Variants in GPC6 observed in about 807,000 individuals in gnomAD.
The protein encoded by GPC6 is glypican-6.
GPC6 carries 14 observed loss-of-function variants against 55.2 expected under a neutral mutation model. The observed-to-expected ratio is 0.25, with a 90% CI of 0.17 to 0.40. The LOEUF (loss-of-function observed/expected upper bound fraction) is 0.40. Among genes scored for constraint, GPC6 ranks in the 10% least tolerant of loss-of-function variants. The pLI is 1.00. For missense variants in GPC6, 641 were observed against 708.5 expected (o/e 0.90, Z 1.08); for synonymous variants, 278 against 259.6 (o/e 1.07, Z -0.68).
intron 3 of GPC6, among the ~76,000 whole-genome samples, chr13:93,967,077 G>T (rs1456595484): frequency 1.3e-5 from 2 of 152,132 alleles, no homozygotes; most frequent in African/African-American, 4.8e-5. Flanking sequence ...TTGAGGGAAG[G>T]TCTCCAAATA....
At chr13:93,408,060 T>A (rs1048888979) in intron 1 of GPC6, among the ~76,000 whole-genome samples, 5 of 152,070 alleles carry the variant, frequency 3.3e-5, no homozygotes, top group Non-Finnish European at 7.4e-5. Context: ...CTACCAGTTT[T>A]AAAAAAATCT....
At chr13:93,468,910 TG>T (rs1217715242) in intron 1 of GPC6, among the ~76,000 whole-genome samples, 1 of 152,140 alleles carries the variant, frequency 6.6e-6, no homozygotes, top group African/African-American at 2.4e-5. Context: ...AATTAGACTG[TG>T]GGTTTTTTGT....
chr13:93,231,327 A>ATG (rs1208626648), intron 1 of GPC6, among the ~76,000 whole-genome samples: 1 of 52,124 alleles, frequency 1.9e-5, no homozygotes, highest in African/African-American at 8.9e-5. Flanking sequence ...ATATATATAT[A>ATG]TACGTATATA....
intron 1 of GPC6, among the ~76,000 whole-genome samples, chr13:93,531,253 A>G (rs1162640880): frequency 6.6e-6 from 1 of 150,622 alleles, no homozygotes; most frequent in African/African-American, 2.4e-5. Context: ...TATATTTTAC[A>G]TATATATTTA....
rs766270705 is a variant in GPC6, at chr13:93,830,443, G to A, written c.609G>A (p.Val203=). 5 of 1,613,654 alleles carry A rather than the reference G, an allele frequency of 3.1e-6. No individual in the cohort carries two copies. The highest frequency in any genetic ancestry group is 1.3e-5 in the African/African-American group (1 of 74,832). The change falls in exon 3 of 9, where the codon GTG becomes GTA. Residue 203 remains valine, a synonymous_variant. Transcript: ENST00000377047. ...ACCAGCTCAAGCCATTTGGAGACGTGCCCCGGAAACTGAAGATTCAGGTTA... is the reference window on the plus strand; with the variant it reads ...ACCAGCTCAAGCCATTTGGAGACGTACCCCGGAAACTGAAGATTCAGGTTA... ...YTDQLKPFGD[V]PRKLKIQVTR... is the part of the protein sequence containing the mutation.
At chr13:94,072,823 G>A (rs1229630821) in intron 4 of GPC6, among the ~76,000 whole-genome samples, 2 of 152,218 alleles carry the variant, frequency 1.3e-5, no homozygotes, top group East Asian at 3.9e-4. Context: ...GTACTTTGGG[G>A]TCCATAGGAT....
At chr13:93,749,983 T>G (rs978943637) in intron 2 of GPC6, among the ~76,000 whole-genome samples, 5 of 152,158 alleles carry the variant, frequency 3.3e-5, no homozygotes, top group Non-Finnish European at 7.4e-5. Flanking sequence ...AGGGCTCTTT[T>G]GGATGTTTTG....
intron 1 of GPC6, among the ~76,000 whole-genome samples, chr13:93,466,533 T>C (rs1047584109): frequency 1.3e-5 from 2 of 152,228 alleles, no homozygotes; most frequent in African/African-American, 2.4e-5. Flanking sequence ...TCATCTGTAT[T>C]GTTTAGGTTA....
intron 4 of GPC6, among the ~76,000 whole-genome samples, chr13:94,031,123 T>C (rs1354778274): frequency 6.6e-6 from 1 of 151,944 alleles, no homozygotes; most frequent in African/African-American, 2.4e-5. Flanking sequence ...TGTGTGTGTG[T>C]GTGTGTTCTT....
At chr13:94,303,765 CAAAA>C (rs11300129) in intron 5 of GPC6, among the ~76,000 whole-genome samples, 12 of 98,284 alleles carry the variant, frequency 1.2e-4, no homozygotes, top group Non-Finnish European at 2.4e-4. Context: ...TAACTCCCTC[CAAAA>C]AAAAAAAAAA....
intron 2 of GPC6, among the ~76,000 whole-genome samples, chr13:93,817,477 C>T (rs1886893567): frequency 6.6e-6 from 1 of 151,974 alleles, no homozygotes; most frequent in Non-Finnish European, 1.5e-5. Flanking sequence ...GTGTTATTTT[C>T]TACTGAAGCA....
intron 3 of GPC6, among the ~76,000 whole-genome samples, chr13:93,988,894 T>C (rs1035826182): frequency 3.9e-5 from 6 of 151,996 alleles, no homozygotes; most frequent in Admixed American, 1.3e-4. Context: ...TAAAAATAAA[T>C]TGATAGAGAT....
chr13:93,921,724 G>A (rs138275956), intron 3 of GPC6, among the ~76,000 whole-genome samples: 57 of 151,622 alleles, frequency 3.8e-4, no homozygotes, highest in African/African-American at 1.4e-3. Flanking sequence ...GGGGCATGGT[G>A]GGCCAAAAGG....
Position 94,225,668 on chromosome 13 carries a change from C to CATATATATATATATATATATATATAT in GPC6, c.878-60680_878-60679insTATATATATATATATATATATATATA, listed in dbSNP as rs1355465459. 1.6e-3 allele frequency among the ~76,000 whole-genome samples: 153 copies of CATATATATATATATATATATATATAT among 97,474 alleles called. 2 individuals are homozygous for CATATATATATATATATATATATATAT. Among genetic ancestry groups the CATATATATATATATATATATATATAT allele is most frequent in the African/African-American group, 5.3e-3 (147 of 27,990 alleles). 63.9% of individuals were successfully genotyped at this position (97,474 alleles called of 152,430 possible). The stretch of plus-strand genomic sequence containing the variant: ...TATATATGTGTGTGTGTAAAGTATA[C>CATATATATATATATATATATATATAT]ACATATATATATATATATATAAACT... On this transcript the variant is annotated intron_variant, in intron 4 of 8. Coordinates refer to ENST00000377047, the MANE Select transcript of GPC6 (RefSeq NM_005708.5).
intron 2 of GPC6, among the ~76,000 whole-genome samples, chr13:93,648,865 C>T (rs2139596132): frequency 6.6e-6 from 1 of 152,270 alleles, no homozygotes; most frequent in South Asian, 2.1e-4. Flanking sequence ...CCCAAGGTCT[C>T]TTAAGCCTTT....
intron 2 of GPC6, among the ~76,000 whole-genome samples, chr13:93,622,337 G>A (rs909285207): frequency 1.3e-5 from 2 of 152,136 alleles, no homozygotes; most frequent in African/African-American, 4.8e-5. Context: ...GGGAACTCAA[G>A]CTTTAGGAAG....
At chr13:94,066,589 A>G (rs1443797826) in intron 4 of GPC6, among the ~76,000 whole-genome samples, 1 of 152,226 alleles carries the variant, frequency 6.6e-6, no homozygotes, top group Non-Finnish European at 1.5e-5. Flanking sequence ...ATCTAAAGAT[A>G]ACGTTGTCCT....
chr13:93,628,773 T>A (rs913142288), intron 2 of GPC6, among the ~76,000 whole-genome samples: 1 of 152,218 alleles, frequency 6.6e-6, no homozygotes, highest in East Asian at 1.9e-4. Flanking sequence ...AGAAATATTT[T>A]AAATATATCA....
At chr13:94,186,202 T>C (rs138381352) in intron 4 of GPC6, among the ~76,000 whole-genome samples, 135 of 152,238 alleles carry the variant, frequency 8.9e-4, no homozygotes, top group African/African-American at 3.2e-3. Context: ...CAATGCATAT[T>C]TACTCAGCAA....
Sources: gnomAD v4.1 joint callset for allele counts (sites outside exome capture counted in the v4.1 genomes callset) on GRCh38, gnomAD v4.1.1 for gene constraint, MANE v1.5 for transcripts, NCBI Gene and HGNC (gene_info 2026-07-23, HGNC 2026-07-21) for gene names.